Variants in ABCC4 observed in about 807,000 individuals in gnomAD.
The protein encoded by ABCC4 is ATP-binding cassette sub-family C member 4.
Under a neutral mutation model 168.5 loss-of-function variants are expected in ABCC4, and 102 were observed. The observed-to-expected ratio is 0.61, with a 90% confidence interval of 0.52 to 0.71. ABCC4 has a LOEUF of 0.71. Ranked by LOEUF, ABCC4 falls within the 30% of genes least tolerant of loss-of-function variation. ABCC4 has a pLI of 0.00. For synonymous variants in ABCC4, 617 were observed against 590.7 expected, an observed-to-expected ratio of 1.04 and a Z score of -0.65; for missense variants, 1,402 against 1,605.8, an observed-to-expected ratio of 0.87 and a Z score of 2.17.
At chr13:95,022,639 A>C (rs1188142226) in intron 30 of ABCC4, among the ~76,000 whole-genome samples, 4 of 152,216 alleles carry the variant, frequency 2.6e-5, no homozygotes, top group Non-Finnish European at 2.9e-5. Context: ...TCTTTAAAAC[A>C]GAAAATGTAG....
At chr13:95,097,560 A>G (rs1345995404) in intron 20 of ABCC4, among the ~76,000 whole-genome samples, 1 of 147,920 alleles carries the variant, frequency 6.8e-6, no homozygotes, top group Non-Finnish European at 1.5e-5. Flanking sequence ...CATTTTTAGA[A>G]CTCTATACTC....
intron 1 of ABCC4, among the ~76,000 whole-genome samples, chr13:95,290,779 A>AG (rs1488624827): frequency 4.0e-5 from 6 of 150,302 alleles, no homozygotes; most frequent in Non-Finnish European, 5.9e-5. Flanking sequence ...ATTGCACTCC[A>AG]GCCTGGGCAA....
At position 95,247,048 on chromosome 13, in the gene ABCC4, G is replaced by A. The variant is rs368599747; in HGVS notation, c.233C>T (p.Pro78Leu). Residue 78 changes from proline (P) to leucine (L), a missense_variant, in exon 3 of 31, where the codon CCT (proline) becomes CTT (leucine). This residue lies in a region of ABCC4 where 317 missense variants were observed against 345.5 expected (regional missense o/e 0.92). Transcript: ENST00000645237. ...CTTTATGATTGCTCTTGTTAAAGAA[G>A]GCTTCTGTGCGTCATTCTCAGCTCT... ...VLRAENDAQK[P>L]SLTRAIIKCY... is the part of the protein sequence containing the mutation. 46 of 1,613,168 alleles carry A rather than the reference G, an allele frequency of 2.9e-5. No individual in the cohort carries two copies. The highest frequency in any genetic ancestry group is 3.6e-5 in the Non-Finnish European group (43 of 1,179,252).
chr13:95,125,644 G>A (rs1156605496), intron 19 of ABCC4, among the ~76,000 whole-genome samples: 1 of 152,166 alleles, frequency 6.6e-6, no homozygotes, highest in African/African-American at 2.4e-5. Context: ...TTAACATGCT[G>A]TGTGACCCAG....
intron 1 of ABCC4, among the ~76,000 whole-genome samples, chr13:95,251,090 T>C (rs566542159): frequency 1.3e-5 from 2 of 152,136 alleles, no homozygotes; most frequent in Non-Finnish European, 2.9e-5. Flanking sequence ...GCTTGGCCAA[T>C]AGTGGTTTCT....
chr13:95,053,362 G>A (rs1386950365), intron 26 of ABCC4, among the ~76,000 whole-genome samples, 178 bp from the exon 27 acceptor site: 1 of 152,192 alleles, frequency 6.6e-6, no homozygotes. Flanking sequence ...TACAAAGCGT[G>A]CTCCAAAATA....
chr13:95,210,606 AGAGT>A (rs3046400), intron 5 of ABCC4, 82 bp downstream of exon 5: 652,227 of 1,171,372 alleles, frequency 0.56, 184,110 homozygotes, highest in Non-Finnish European at 0.59. Context: ...CAGTGTGAAC[AGAGT>A]GAGCCCCTGC....
intron 27 of ABCC4, among the ~76,000 whole-genome samples, chr13:95,045,921 A>T (rs2032557411): frequency 6.6e-6 from 1 of 152,258 alleles, no homozygotes; most frequent in Admixed American, 6.5e-5. Context: ...ATGGAAGTCC[A>T]ACTCCAAGAA....
intron 20 of ABCC4, among the ~76,000 whole-genome samples, chr13:95,100,045 TA>T (rs1484837483): frequency 1.3e-5 from 2 of 152,170 alleles, no homozygotes; most frequent in African/African-American, 4.8e-5. Flanking sequence ...AAGAATAGCA[TA>T]GAGAGAATTT....
chr13:95,299,133 C>G (rs933324210), intron 1 of ABCC4, among the ~76,000 whole-genome samples: 2 of 151,806 alleles, frequency 1.3e-5, no homozygotes, highest in African/African-American at 4.8e-5. Flanking sequence ...GTGACACACA[C>G]CTGGAGCCCC....
intron 1 of ABCC4, chr13:95,269,365 G>A (rs1008831922): frequency 6.6e-6 from 3 of 452,786 alleles, no homozygotes; most frequent in Admixed American, 4.8e-5. Flanking sequence ...GGTGGAGGCT[G>A]CAGTGAGCTG....
chr13:95,229,706 C>T (rs2039564887), intron 4 of ABCC4, among the ~76,000 whole-genome samples: 1 of 152,200 alleles, frequency 6.6e-6, no homozygotes, highest in Non-Finnish European at 1.5e-5. Flanking sequence ...TGAAACTGTC[C>T]TCCATTCCAT....
intron 9 of ABCC4, among the ~76,000 whole-genome samples, chr13:95,194,285 C>T (rs1485765595): frequency 1.3e-5 from 2 of 152,216 alleles, no homozygotes; most frequent in Non-Finnish European, 2.9e-5. Flanking sequence ...GAGCTTGCTA[C>T]GCCGGCCTGC....
chr13:95,244,137 G>T (rs369516490), intron 3 of ABCC4, among the ~76,000 whole-genome samples: 37 of 152,236 alleles, frequency 2.4e-4, no homozygotes, highest in African/African-American at 8.4e-4. Context: ...ATACTCTGAA[G>T]ACAGAGTTCT....
chr13:95,291,087 T>A (rs1473297513), intron 1 of ABCC4, among the ~76,000 whole-genome samples: 4 of 151,654 alleles, frequency 2.6e-5, no homozygotes, highest in Non-Finnish European at 5.9e-5. Flanking sequence ...GGCATGACGG[T>A]TCACACCTGT....
At chr13:95,061,073 G>C (rs1474218562) in intron 26 of ABCC4, among the ~76,000 whole-genome samples, 1 of 152,112 alleles carries the variant, frequency 6.6e-6, no homozygotes, top group African/African-American at 2.4e-5. Flanking sequence ...AGACTGTCAG[G>C]ATTTCCTTCC....
At chr13:95,075,285 TG>T in intron 22 of ABCC4, 146 bp downstream of exon 22, 2 of 987,470 alleles carry the variant, frequency 2.0e-6, no homozygotes, top group Non-Finnish European at 3.0e-6. Flanking sequence ...AAGAAGGGGA[TG>T]GGGAAGGAGA....
At chr13:95,032,651 T>C (rs2031930311) in intron 30 of ABCC4, among the ~76,000 whole-genome samples, 1 of 136,318 alleles carries the variant, frequency 7.3e-6, no homozygotes. Context: ...TATGGGAACA[T>C]ATTTTCTTTT....
At position 95,167,938 on chromosome 13, in the gene ABCC4, C is replaced by A. The variant is rs146413371; in HGVS notation, c.1825-1571G>T. 2.6e-4 allele frequency among the ~76,000 whole-genome samples: 39 copies of A among 152,282 alleles called. No homozygotes were observed. The East Asian group carries it at 5.2e-3, about 20-fold the overall frequency. ...CTGGAGTGCAATGGCGCGATCTCGG[C>A]TCACTGCAACCTTCGCCTCCCAGGT... On this transcript the variant is annotated intron_variant, in intron 14 of 30. Transcript: ENST00000645237.
Sources: allele counts gnomAD v4.1 joint callset (sites outside exome capture counted in the v4.1 genomes callset), GRCh38; gene constraint gnomAD v4.1.1; regional missense constraint gnomAD v4.1.1; transcripts MANE v1.5; gene names NCBI Gene and HGNC (gene_info 2026-07-23, HGNC 2026-07-21).